The following GPC5 variants were observed in gnomAD, a reference collection of about 807,000 sequenced individuals.
GPC5 encodes the protein glypican-5.
In GPC5, 47 loss-of-function variants were observed where a neutral mutation model predicts 53.9. The observed-to-expected ratio is 0.87, with a 90% confidence interval of 0.69 to 1.11. The LOEUF (loss-of-function observed/expected upper bound fraction) is 1.11, where lower values mean the gene tolerates loss of function less well. Among genes scored for constraint, GPC5 ranks in the 50% most tolerant of loss-of-function variants. GPC5 has a pLI of 0.00. For synonymous variants in GPC5, 286 were observed against 263.3 expected (o/e 1.09, Z -0.84); for missense variants, 748 against 713.1 (o/e 1.05, Z -0.56).
intron 7 of GPC5, among the ~76,000 whole-genome samples, chr13:92,291,203 T>C (rs1206054682): frequency 6.6e-6 from 1 of 152,070 alleles, no homozygotes; most frequent in East Asian, 1.9e-4. Flanking sequence ...CCCAGTCCCA[T>C]CGACCACCCA....
chr13:92,639,913 C>T (rs1293372935), intron 7 of GPC5, among the ~76,000 whole-genome samples: 3 of 151,926 alleles, frequency 2.0e-5, no homozygotes, highest in Non-Finnish European at 2.9e-5. Flanking sequence ...TAAAATGCAA[C>T]CACTCCTACT....
At chr13:92,421,869 C>T (rs541569847) in intron 7 of GPC5, among the ~76,000 whole-genome samples, 1 of 152,020 alleles carries the variant, frequency 6.6e-6, no homozygotes, top group South Asian at 2.1e-4. Flanking sequence ...CACTTTTAAA[C>T]AGCCAGATCT....
Position 91,941,482 on chromosome 13 carries a change from G to C in GPC5, c.1401+33425G>C, listed in dbSNP as rs577484739. 2.0e-5 allele frequency among the ~76,000 whole-genome samples: 3 copies of C among 152,036 alleles called. No homozygotes were observed. In the South Asian group the frequency reaches 6.2e-4, roughly 32 times the overall value. ...ATCATGCTTATTAAATGTTCCTGGG[G>C]ATTAGTTCCTAGGAACTCTCTCTTC... On this transcript the variant is annotated intron_variant, in intron 6 of 7. Transcript: ENST00000377067.
rs1440395882 is a variant in GPC5, at chr13:92,004,489, T to TATATAA, written c.1401+96433_1401+96434insTATAAA. Among the ~76,000 whole-genome samples the TATATAA allele has an allele frequency of 3.7e-4, 46 of 122,708 alleles. 1 individual carries two copies. The highest frequency in any genetic ancestry group is 1.5e-3 in the African/African-American group (44 of 28,808). 80.5% of individuals were successfully genotyped at this position (122,708 alleles called of 152,430 possible). ...ATATATATATATATATATATATATA[T>TATATAA]AATTACACTATAGCTTTTCATGCAA... is the stretch of plus-strand genomic sequence containing the variant. On this transcript the variant is annotated intron_variant, in intron 6 of 7. Coordinates refer to ENST00000377067, the MANE Select transcript of GPC5 (RefSeq NM_004466.6).
intron 2 of GPC5, among the ~76,000 whole-genome samples, chr13:91,453,974 C>A (rs1217546274): frequency 2.6e-5 from 4 of 151,942 alleles, no homozygotes; most frequent in African/African-American, 9.7e-5. Context: ...TTATTAATTT[C>A]TAAACTATAA....
intron 7 of GPC5, among the ~76,000 whole-genome samples, chr13:92,492,444 A>T (rs7996413): frequency 0.88 from 132,773 of 151,684 alleles, 58,388 homozygotes; most frequent in African/African-American, 0.96. Flanking sequence ...TATACATATG[A>T]AACAAACCTG....
At chr13:92,682,704 T>G (rs1002254261) in intron 7 of GPC5, among the ~76,000 whole-genome samples, 12 of 152,204 alleles carry the variant, frequency 7.9e-5, no homozygotes, top group Non-Finnish European at 1.3e-4. Flanking sequence ...ATAACAAGTT[T>G]AGATGTCAGT....
chr13:92,282,934 A>C (rs1328330961), intron 7 of GPC5, among the ~76,000 whole-genome samples: 1 of 152,240 alleles, frequency 6.6e-6, no homozygotes, highest in African/African-American at 2.4e-5. Context: ...TCCAATTAAA[A>C]GACACAGACT....
At chr13:91,631,633 G>T (rs552972177) in intron 2 of GPC5, among the ~76,000 whole-genome samples, 60 of 152,096 alleles carry the variant, frequency 3.9e-4, no homozygotes, top group Non-Finnish European at 7.2e-4. Flanking sequence ...ACGCTCAAAG[G>T]GAGGCTTTAT....
intron 5 of GPC5, among the ~76,000 whole-genome samples, chr13:91,762,005 C>T (rs932921861): frequency 2.0e-5 from 3 of 152,314 alleles, no homozygotes; most frequent in South Asian, 4.1e-4. Context: ...TGCCAAGAAA[C>T]AGGGAAGAAG....
At chr13:91,740,532 G>T (rs933626107) in intron 4 of GPC5, among the ~76,000 whole-genome samples, 17 of 152,190 alleles carry the variant, frequency 1.1e-4, no homozygotes, top group Admixed American at 6.5e-4. Context: ...CTTTTATTTT[G>T]GAGACGTAAT....
rs546014444 is a variant in GPC5, at chr13:91,704,150, T to C, written c.1020+10269T>C. Among the ~76,000 whole-genome samples, 151 of 152,320 alleles carry C rather than the reference T, an allele frequency of 9.9e-4. 1 individual carries two copies. The highest frequency in any genetic ancestry group is 3.3e-3 in the African/African-American group (137 of 41,560). ...CATTTCTGGCTTGTATCTATTAATA[T>C]GTACCTTTTTATCTAGGTGTGTCAA... On this transcript the variant is annotated intron_variant, in intron 3 of 7. Transcript: ENST00000377067.
At chr13:92,298,134 C>T (rs1008908737) in intron 7 of GPC5, among the ~76,000 whole-genome samples, 1 of 152,096 alleles carries the variant, frequency 6.6e-6, no homozygotes, top group Non-Finnish European at 1.5e-5. Context: ...TCACCCAGCT[C>T]CCACACAATC....
intron 2 of GPC5, among the ~76,000 whole-genome samples, chr13:91,499,791 A>G (rs551175202): frequency 2.0e-5 from 3 of 152,188 alleles, no homozygotes; most frequent in Non-Finnish European, 4.4e-5. Context: ...TAAGTTTGGT[A>G]ATTTCTGACA....
intron 5 of GPC5, among the ~76,000 whole-genome samples, chr13:91,879,268 T>C (rs80183014): frequency 0.033 from 5,001 of 152,294 alleles, 123 homozygotes; most frequent in Middle Eastern, 0.061. Context: ...TAGAACTAAA[T>C]AGTAAAAGTG....
intron 7 of GPC5, among the ~76,000 whole-genome samples, chr13:92,273,820 A>G (rs957086623): frequency 1.3e-5 from 2 of 152,142 alleles, no homozygotes; most frequent in African/African-American, 4.8e-5. Context: ...TAGGAAAATG[A>G]CAGTCATAGA....
intron 7 of GPC5, among the ~76,000 whole-genome samples, chr13:92,387,012 G>T (rs1874758103): frequency 6.6e-6 from 1 of 151,990 alleles, no homozygotes; most frequent in Non-Finnish European, 1.5e-5. Flanking sequence ...ACTAACTTTA[G>T]TAGAATTAGA....
chr13:92,607,499 A>T (rs1176082643), intron 7 of GPC5, among the ~76,000 whole-genome samples: 1 of 152,180 alleles, frequency 6.6e-6, no homozygotes, highest in East Asian at 1.9e-4. Flanking sequence ...AGACATAAAA[A>T]TAAGAACAGA....
chr13:92,554,302 T>G (rs1050754312), intron 7 of GPC5, among the ~76,000 whole-genome samples: 4 of 151,936 alleles, frequency 2.6e-5, no homozygotes, highest in Non-Finnish European at 5.9e-5. Flanking sequence ...TTTCATTCAG[T>G]GAAATTTTTA....
Sources: allele counts gnomAD v4.1 joint callset (sites outside exome capture counted in the v4.1 genomes callset), GRCh38; gene constraint gnomAD v4.1.1; transcripts MANE v1.5; gene names NCBI Gene and HGNC (gene_info 2026-07-23, HGNC 2026-07-21).